Variants in KMT2B observed in about 807,000 individuals in gnomAD.
KMT2B encodes the protein histone-lysine N-methyltransferase 2B.
A neutral mutation model predicts 255.3 loss-of-function variants in KMT2B; 22 were observed. That is an observed-to-expected ratio of 0.09 (90% CI 0.06 to 0.12). KMT2B has a LOEUF of 0.12. Among genes scored for constraint, KMT2B ranks in the 10% least tolerant of loss-of-function variants. KMT2B has a pLI of 1.00. For synonymous variants in KMT2B, 1,730 were observed against 1,498.1 expected (o/e 1.15, Z -3.57); for missense variants, 3,149 against 3,737.0 (o/e 0.84, Z 4.10).
chr19:35,725,840 C>A lies in KMT2B; in HGVS notation c.3885+22C>A. ...CTGGGTGAGAGATGAGGTTCACCCA[C>A]TTGCTTTGTCTCTAATGAATATCAC... is the stretch of plus-strand genomic sequence containing the variant. On this transcript the variant is annotated intron_variant, in intron 13 of 36. Coordinates refer to ENST00000420124, the MANE Select transcript of KMT2B (RefSeq NM_014727.3). This position sits in a 1 kb window ranked among gnomAD's most constrained non-coding sequence, Gnocchi z 4.1. 1.3e-6 allele frequency: 2 copies of A among 1,539,712 alleles called. No homozygotes were observed. The highest frequency in any genetic ancestry group is 1.4e-5 in the African/African-American group (1 of 72,956).
At position 35,721,271 on chromosome 19, in the gene KMT2B, C is replaced by T. The variant is rs1237717780; in HGVS notation, c.1924C>T (p.Arg642Trp). Residue 642 changes from arginine (R) to tryptophan (W), a missense_variant, in exon 3 of 37, where the codon CGG (arginine) becomes TGG (tryptophan). By Grantham distance (101) the Arg-to-Trp change is moderately radical. Transcript: ENST00000420124. ...SPPPAPATSSRRPLLLRAPQF... is the reference protein window; with the variant it reads ...SPPPAPATSSWRPLLLRAPQF... ...ACCCCCTGCTCCTGCCACCTCCTCC[C>T]GGAGGCCCCTACTCCTTCGGGCCCC... is the stretch of plus-strand genomic sequence containing the variant. 16 of 1,540,786 alleles carry T rather than the reference C, an allele frequency of 1.0e-5. No individual in the cohort carries two copies. The highest frequency in any genetic ancestry group is 1.7e-4 in the Middle Eastern group (1 of 6,006).
Position 35,733,439 on chromosome 19 carries a change from C to A in KMT2B, c.6890C>A (p.Ala2297Asp), listed in dbSNP as rs765166183. The change falls in exon 28 of 37, where the codon GCC (alanine) becomes GAC (aspartate). Residue 2297 changes from alanine to aspartate, a missense_variant. Physicochemically the swap from Ala to Asp is moderately radical, Grantham distance 126 (BLOSUM62 -2). Transcript: ENST00000420124. The surrounding 1 kb of genome is among the most constrained non-coding windows in gnomAD (Gnocchi z 4.3). ...CCGCCAGCACCTCCCCCATACAAAG[C>A]CCCCCGGCTGGATGAAGATGGAGAG... ...RSPPAPPPYK[A>D]PRLDEDGEAS... 17 of 1,557,490 alleles carry A rather than the reference C, an allele frequency of 1.1e-5. No individual in the cohort carries two copies. Among genetic ancestry groups the A allele is most frequent in the Middle Eastern group, 3.3e-4 (2 of 6,024 alleles).
In KMT2B at chr19:35,732,466, C is replaced by T. The variant is rs755692175; in HGVS notation, c.5917C>T (p.Leu1973=). 3.5e-5 allele frequency: 56 copies of T among 1,613,778 alleles called. No individual in the cohort carries two copies. Among genetic ancestry groups the T allele is most frequent in the Middle Eastern group, 3.3e-4 (2 of 6,084 alleles). The change falls in exon 28 of 37, where the codon CTG becomes TTG. Residue 1973 remains leucine (L), a synonymous_variant. Transcript: ENST00000420124. ...CCCATCTCCACCACCCCCTGAAGAC[C>T]TGGGCCCAGACTTCGAGGACATGGA... is the stretch of plus-strand genomic sequence containing the variant. ...PAPSPPPPED[L]GPDFEDMEVV...
In KMT2B at chr19:35,729,307, G is replaced by A. The variant is rs367744223; in HGVS notation, c.4917+11G>A. On this transcript the variant is annotated intron_variant, in intron 22 of 36. Coordinates refer to ENST00000420124, the MANE Select transcript of KMT2B (RefSeq NM_014727.3). The stretch of plus-strand genomic sequence containing the variant: ...CGAGGGAGGCAGATGGTGAGGGCGC[G>A]GGCGCAGAGAGGTGGACAGCTCTCT... The A allele has an allele frequency of 1.5e-4, 233 of 1,586,618 alleles. No individual in the cohort carries two copies. The African/African-American group carries it at 2.4e-3, about 16-fold the overall frequency.
chr19:35,729,931 C>T lies in KMT2B; in HGVS notation c.4918-36C>T, dbSNP rs1050324198. ...GTGGTGCCTGGCGCCCAGCCCCAGC[C>T]CTGGCTTCTCCCCTGAGCTGCCCTC... On this transcript the variant is annotated intron_variant, in intron 22 of 36. Transcript: ENST00000420124. The T allele has an allele frequency of 1.1e-5, 17 of 1,595,336 alleles. 1 individual carries two copies. The Admixed American group carries it at 2.7e-4, about 26-fold the overall frequency.
chr19:35,733,262 C>T lies in KMT2B; in HGVS notation c.6713C>T (p.Pro2238Leu). 1.4e-6 allele frequency: 2 copies of T among 1,479,210 alleles called. No homozygotes were observed. The highest frequency in any genetic ancestry group is 9.2e-7 in the Non-Finnish European group (1 of 1,085,422). The allele number at this position is 1,479,210 out of a possible 1,614,324, so 91.6% of individuals were successfully genotyped here. ...ACCTCCTGGACTCTGCCCCCAGGCC[C>T]CCTCCTCGGCGTGCTGCCCGTGGTC... The part of the protein sequence containing the change: ...APTSWTLPPG[P>L]LLGVLPVVGV... Residue 2238 changes from proline (P) to leucine (L), a missense_variant, in exon 28 of 37, where the codon CCC becomes CTC. Physicochemically the swap from Pro to Leu is moderately conservative, Grantham distance 98. Transcript: ENST00000420124. This position sits in a 1 kb window ranked among gnomAD's most constrained non-coding sequence, Gnocchi z 4.3.
chr19:35,724,566 A>G (rs1969355752), intron 8 of KMT2B, 71 bp from the exon 9 acceptor site: 2 of 1,269,556 alleles, frequency 1.6e-6, no homozygotes, highest in Non-Finnish European at 2.2e-6. Context: ...GAATCCAGGT[A>G]ACATTTGGGG....
rs1275657083 is a variant in KMT2B at position 35,727,571 on chromosome 19, C to T, written c.4251C>T (p.Leu1417=). Residue 1417 remains leucine (L), a synonymous_variant, in exon 16 of 37, where the codon CTC becomes CTT. Transcript: ENST00000420124. The surrounding 1 kb of genome is among the most constrained non-coding windows in gnomAD (Gnocchi z 4.2). Reference sequence around the variant, plus strand: ...TCCAGGGGGGCCTGCGCCAGGTGCTCCAGGGCCTGCTGAGCTCCAAGGTGG... The same window carrying T: ...TCCAGGGGGGCCTGCGCCAGGTGCTTCAGGGCCTGCTGAGCTCCAAGGTGG... ...GALQGGLRQV[L]QGLLSSKVVG... is the part of the protein sequence containing the mutation. 2.5e-6 allele frequency: 4 copies of T among 1,606,232 alleles called. No individual in the cohort carries two copies. The highest frequency in any genetic ancestry group is 2.2e-5 in the East Asian group (1 of 44,832).
chr19:35,735,004 CA>C (rs1345165387), intron 30 of KMT2B, among the ~76,000 whole-genome samples: 1 of 152,122 alleles, frequency 6.6e-6, no homozygotes, highest in Admixed American at 6.5e-5. Context: ...TGGTGCGGGA[CA>C]CAGACATGTT....
Position 35,727,044 on chromosome 19 carries a change from C to A in KMT2B, c.4004-112C>A. 1.5e-6 allele frequency: 1 copy of A among 669,940 alleles called. No individual in the cohort carries two copies. The highest frequency in any genetic ancestry group is 2.5e-6 in the Non-Finnish European group (1 of 395,316). The allele number at this position is 669,940 out of a possible 1,614,324, so 41.5% of individuals were successfully genotyped here. On this transcript the variant is annotated intron_variant, in intron 14 of 36. Transcript: ENST00000420124. This position sits in a 1 kb window ranked among gnomAD's most constrained non-coding sequence, Gnocchi z 4.2. ...GAGCTTTTAGGGACTAGTAGGGGCC[C>A]AAAACAGGGGCATAGTGGAGGCAGC...
At position 35,733,010 on chromosome 19, in the gene KMT2B, C is replaced by T; in HGVS notation, c.6461C>T (p.Ala2154Val). ...NGSQPSQGLT[A>V]SPADPTRTFA... The stretch of plus-strand genomic sequence containing the variant: ...AGCCAGCCCTCCCAAGGCCTGACCG[C>T]CAGCCCAGCTGACCCCACCCGCACA... Residue 2154 changes from alanine to valine, a missense_variant, in exon 28 of 37, where the codon GCC becomes GTC. Transcript: ENST00000420124. This position sits in a 1 kb window ranked among gnomAD's most constrained non-coding sequence, Gnocchi z 4.3. The T allele has an allele frequency of 6.3e-7, 1 of 1,595,980 alleles. No individual in the cohort carries two copies. The highest frequency in any genetic ancestry group is 8.5e-7 in the Non-Finnish European group (1 of 1,171,776).
Position 35,719,922 on chromosome 19 carries a change from C to G in KMT2B, c.575C>G (p.Ala192Gly). ...GAAGGCACAGAACGGATGGTGCAGG[C>G]ACTGACTGAACTTCTCCGGCGGGCC... ...GEEGTERMVQ[A>G]LTELLRRAQA... The change falls in exon 3 of 37, where the codon GCA (alanine) becomes GGA (glycine). Residue 192 changes from alanine to glycine, a missense_variant. Physicochemically the swap from Ala to Gly is moderately conservative, Grantham distance 60. This residue lies in a region of KMT2B where 1,188 missense variants were observed against 1,106.4 expected (regional missense o/e 1.07). Coordinates refer to ENST00000420124, the MANE Select transcript of KMT2B (RefSeq NM_014727.3). 6.2e-7 allele frequency: 1 copy of G among 1,613,448 alleles called. No homozygotes were observed. Among genetic ancestry groups the G allele is most frequent in the Non-Finnish European group, 8.5e-7 (1 of 1,179,866 alleles).
At chr19:35,726,085 C>G in intron 13 of KMT2B, 151 bp from the exon 14 acceptor site, 1 of 678,460 alleles carries the variant, frequency 1.5e-6, no homozygotes. Context: ...CCCTCATGTT[C>G]CTCCTCCGTG....
chr19:35,718,156 T>G lies in KMT2B; in HGVS notation c.138T>G (p.Ala46=), dbSNP rs966660275. The G allele has an allele frequency of 2.2e-4, 236 of 1,065,822 alleles. No individual in the cohort carries two copies. The highest frequency in any genetic ancestry group is 2.5e-4 in the Non-Finnish European group (217 of 883,784). The allele number at this position is 1,065,822 out of a possible 1,614,324, so 66.0% of individuals were successfully genotyped here. ...RGNGAERVRV[A]LRRGGGATGP... is the part of the protein sequence containing the mutation. ...ACGGGGCCGAAAGAGTGCGGGTAGC[T>G]CTGCGGCGCGGCGGTGGCGCGACGG... Residue 46 remains alanine (A), a synonymous_variant, in exon 1 of 37, where the codon GCT becomes GCG. Coordinates refer to ENST00000420124, the MANE Select transcript of KMT2B (RefSeq NM_014727.3). This position sits in a 1 kb window ranked among gnomAD's most constrained non-coding sequence, Gnocchi z 5.0.
chr19:35,733,266 C>A lies in KMT2B; in HGVS notation c.6717C>A (p.Leu2239=). Residue 2239 remains leucine (L), a synonymous_variant, in exon 28 of 37, where the codon CTC becomes CTA. Transcript: ENST00000420124. The surrounding 1 kb of genome is among the most constrained non-coding windows in gnomAD (Gnocchi z 4.3). ...PTSWTLPPGP[L]LGVLPVVGVV... ...CCTGGACTCTGCCCCCAGGCCCCCT[C>A]CTCGGCGTGCTGCCCGTGGTCGGAG... 1 of 1,478,850 alleles carries A rather than the reference C, an allele frequency of 6.8e-7. No individual in the cohort carries two copies. The highest frequency in any genetic ancestry group is 9.2e-7 in the Non-Finnish European group (1 of 1,085,158). 91.6% of individuals were successfully genotyped at this position (1,478,850 alleles called of 1,614,324 possible).
rs1234897364 is a variant in KMT2B, at chr19:35,736,961, C to T, written c.7347C>T (p.Ala2449=). Residue 2449 remains alanine, a synonymous_variant, in exon 32 of 37, where the codon GCC becomes GCT. Coordinates refer to ENST00000420124, the MANE Select transcript of KMT2B (RefSeq NM_014727.3). ...IEKVQEARGH[A]RLRHLSFSGM... ...AAGTGCAAGAGGCCCGAGGGCATGC[C>T]CGACTCAGACATCTCTCCTTTAGTG... The T allele has an allele frequency of 6.2e-7, 1 of 1,613,846 alleles. No individual in the cohort carries two copies. Among genetic ancestry groups the T allele is most frequent in the South Asian group, 1.1e-5 (1 of 91,062 alleles).
intron 1 of KMT2B, among the ~76,000 whole-genome samples, 178 bp from the exon 2 acceptor site, chr19:35,719,291 C>T (rs1335865945): frequency 6.6e-6 from 1 of 152,162 alleles, no homozygotes; most frequent in Non-Finnish European, 1.5e-5. Context: ...CTGGCGCCTC[C>T]ATCCCTAGGG....
In KMT2B at chr19:35,733,048, C is replaced by T. The variant is rs1969774023; in HGVS notation, c.6499C>T (p.Pro2167Ser). The T allele has an allele frequency of 6.3e-7, 1 of 1,581,216 alleles. No homozygotes were observed. The highest frequency in any genetic ancestry group is 8.6e-7 in the Non-Finnish European group (1 of 1,163,574). ...ADPTRTFAWL[P>S]GAPGVRVLSL... ...CCCCACCCGCACATTTGCCTGGCTCCCAGGGGCCCCAGGGGTCCGGGTGTT... is the reference window on the plus strand; with the variant it reads ...CCCCACCCGCACATTTGCCTGGCTCTCAGGGGCCCCAGGGGTCCGGGTGTT... Residue 2167 changes from proline to serine, a missense_variant, in exon 28 of 37, where the codon CCA becomes TCA. Pro to Ser is a moderately conservative substitution (Grantham distance 74, BLOSUM62 -1). Transcript: ENST00000420124. The surrounding 1 kb of genome is among the most constrained non-coding windows in gnomAD (Gnocchi z 4.3).
intron 3 of KMT2B, 86 bp downstream of exon 3, chr19:35,721,890 A>C: frequency 1.4e-6 from 2 of 1,438,566 alleles, no homozygotes; most frequent in Admixed American, 5.6e-5. Flanking sequence ...CTCCTTGGAC[A>C]CTTTCCAGCA....
Sources: gnomAD v4.1 joint callset for allele counts (sites outside exome capture counted in the v4.1 genomes callset) on GRCh38, gnomAD v4.1.1 for gene constraint, gnomAD v4.1.1 regional missense constraint, Gnocchi (gnomAD v3.1) non-coding constraint, MANE v1.5 for transcripts, NCBI Gene and HGNC (gene_info 2026-07-23, HGNC 2026-07-21) for gene names.